The following SHTN1 variants were observed in gnomAD, a reference collection of about 807,000 sequenced individuals.
The protein encoded by SHTN1 is shootin-1.
SHTN1 carries 42 observed loss-of-function variants against 83.1 expected under a neutral mutation model. That is an observed-to-expected ratio of 0.51 (90% CI 0.39 to 0.65). SHTN1 has a LOEUF of 0.65. SHTN1 is among the 30% of genes least tolerant of loss of function. The pLI, the probability that SHTN1 is intolerant of heterozygous loss-of-function variation, is 0.00. For synonymous variants in SHTN1, 224 were observed against 247.7 expected, an observed-to-expected ratio of 0.90 and a Z score of 0.90; for missense variants, 622 against 737.8, an observed-to-expected ratio of 0.84 and a Z score of 1.82.
At chr10:117,020,663 T>C (rs183200327) in intron 2 of SHTN1, among the ~76,000 whole-genome samples, 121 of 151,708 alleles carry the variant, frequency 8.0e-4, no homozygotes, top group Admixed American at 2.0e-3. Flanking sequence ...AAAAAACTAA[T>C]TCAAGAAAAA....
chr10:117,065,872 G>T (rs1318522450), intron 1 of SHTN1, among the ~76,000 whole-genome samples: 3 of 112,864 alleles, frequency 2.7e-5, no homozygotes, highest in African/African-American at 9.5e-5. Flanking sequence ...GAGGGAGGGA[G>T]GGAGGGAGGT....
At chr10:116,921,328 A>G (rs1564877358) in intron 12 of SHTN1, 106 bp downstream of exon 12, 3 of 745,516 alleles carry the variant, frequency 4.0e-6, no homozygotes, top group Non-Finnish European at 6.8e-6. Flanking sequence ...AGTGCTTCAT[A>G]CTACTCTCCC....
At chr10:117,097,891 G>GTT (rs998159464) in intron 1 of SHTN1, among the ~76,000 whole-genome samples, 1 of 145,648 alleles carries the variant, frequency 6.9e-6, no homozygotes. Flanking sequence ...ATCAAAGGTT[G>GTT]TTTTTTTTTT....
At chr10:117,006,538 C>CT (rs1852014792), upstream of SHTN1, among the ~76,000 whole-genome samples, 1 of 143,294 alleles carries the variant, frequency 7.0e-6, no homozygotes, top group Non-Finnish European at 1.5e-5. Context: ...TGCACTCCAG[C>CT]CTGGGTGACA....
intron 1 of SHTN1, among the ~76,000 whole-genome samples, chr10:117,001,704 T>C (rs746246885): frequency 6.6e-6 from 1 of 152,212 alleles, no homozygotes; most frequent in African/African-American, 2.4e-5. Flanking sequence ...AACAACAATG[T>C]ATTATATATT....
At chr10:116,936,483 G>A (rs1455858852) in intron 9 of SHTN1, among the ~76,000 whole-genome samples, 1 of 152,220 alleles carries the variant, frequency 6.6e-6, no homozygotes, top group East Asian at 1.9e-4. Context: ...GCAGTTTTGA[G>A]TGAGTTTCTT....
At chr10:116,894,308 T>C (rs12263941) in intron 16 of SHTN1, among the ~76,000 whole-genome samples, 3 of 152,184 alleles carry the variant, frequency 2.0e-5, no homozygotes, top group African/African-American at 7.2e-5. Flanking sequence ...GAAATGAACA[T>C]TTTCTATTGA....
intron 9 of SHTN1, among the ~76,000 whole-genome samples, chr10:116,930,235 T>A (rs1848908183): frequency 6.6e-6 from 1 of 152,184 alleles, no homozygotes; most frequent in Non-Finnish European, 1.5e-5. Context: ...CACTTTAATT[T>A]TTTTTAAGTT....
chr10:117,106,559 G>A (rs1853673795), intron 1 of SHTN1, among the ~76,000 whole-genome samples: 1 of 152,180 alleles, frequency 6.6e-6, no homozygotes, highest in Non-Finnish European at 1.5e-5. Flanking sequence ...CAACTTGTGT[G>A]CAGTCTTCTC....
chr10:117,008,333 T>TTAAAGTA (rs1852052074), upstream of SHTN1, among the ~76,000 whole-genome samples: 1 of 152,052 alleles, frequency 6.6e-6, no homozygotes, highest in South Asian at 2.1e-4. Flanking sequence ...TAAAATCACA[T>TTAAAGTA]ATGTCATCTT....
At chr10:117,020,149 A>C (rs940381171) in intron 2 of SHTN1, among the ~76,000 whole-genome samples, 3 of 152,144 alleles carry the variant, frequency 2.0e-5, no homozygotes, top group Non-Finnish European at 4.4e-5. Context: ...AACTACAATC[A>C]AGACTGTCTG....
intron 2 of SHTN1, among the ~76,000 whole-genome samples, chr10:117,025,614 C>G (rs1852323552): frequency 6.6e-6 from 1 of 152,118 alleles, no homozygotes; most frequent in Non-Finnish European, 1.5e-5. Context: ...TTCCCCTAAC[C>G]CCAGGCTGCA....
intron 1 of SHTN1, among the ~76,000 whole-genome samples, chr10:117,088,977 T>G (rs777805797): frequency 1.3e-5 from 2 of 152,200 alleles, no homozygotes; most frequent in Non-Finnish European, 2.9e-5. Flanking sequence ...CCCTATAACC[T>G]GGCACATTAT....
At chr10:116,896,097 A>G (rs1437458256) in intron 16 of SHTN1, among the ~76,000 whole-genome samples, 1 of 152,224 alleles carries the variant, frequency 6.6e-6, no homozygotes, top group Non-Finnish European at 1.5e-5. Context: ...TTGTGAATAT[A>G]TACTGATAAA....
At chr10:116,997,746 T>C (rs1851675007) in intron 1 of SHTN1, among the ~76,000 whole-genome samples, 1 of 152,150 alleles carries the variant, frequency 6.6e-6, no homozygotes, top group African/African-American at 2.4e-5. Context: ...TTCCCCCTTT[T>C]CCATATTGTA....
intron 9 of SHTN1, among the ~76,000 whole-genome samples, chr10:116,930,258 C>T (rs577553160): frequency 1.3e-5 from 2 of 152,038 alleles, no homozygotes; most frequent in South Asian, 2.1e-4. Flanking sequence ...ATTTTAGGTT[C>T]GGGGTACATG....
intron 1 of SHTN1, among the ~76,000 whole-genome samples, chr10:117,066,209 C>T (rs1246288956): frequency 3.3e-5 from 5 of 152,112 alleles, no homozygotes; most frequent in Admixed American, 2.6e-4. Flanking sequence ...AAATTACTCC[C>T]TGGGAAACAG....
At chr10:117,007,877 G>A (rs971370795), upstream of SHTN1, among the ~76,000 whole-genome samples, 30 of 151,640 alleles carry the variant, frequency 2.0e-4, no homozygotes, top group Middle Eastern at 3.2e-3. Context: ...GTGTGGTGGC[G>A]GGCACCTGTA....
intron 1 of SHTN1, among the ~76,000 whole-genome samples, chr10:117,081,773 T>C (rs1045039129): frequency 1.3e-5 from 2 of 149,532 alleles, no homozygotes; most frequent in Admixed American, 6.7e-5. Flanking sequence ...GGAGAGTGTA[T>C]GTGTCAAGGA....
Sources: allele counts gnomAD v4.1 joint callset (sites outside exome capture counted in the v4.1 genomes callset), GRCh38; gene constraint gnomAD v4.1.1; transcripts MANE v1.5; gene names NCBI Gene and HGNC (gene_info 2026-07-23, HGNC 2026-07-21).